BTRC: variants seen among roughly 807,000 people sequenced by gnomAD.
BTRC encodes the protein F-box/WD repeat-containing protein 1A.
BTRC carries 42 observed loss-of-function variants against 85.5 expected under a neutral mutation model. The ratio of observed to expected loss-of-function variants is 0.49; its 90% confidence interval spans 0.38 to 0.64. BTRC has a LOEUF of 0.64. BTRC is among the 30% of genes least tolerant of loss of function. BTRC has a pLI of 0.00. For missense variants in BTRC, 594 were observed against 743.5 expected (o/e 0.80, Z 2.34); for synonymous variants, 255 against 263.3 (o/e 0.97, Z 0.30).
chr10:101,497,595 A>G (rs1422695898), intron 4 of BTRC, among the ~76,000 whole-genome samples: 1 of 152,164 alleles, frequency 6.6e-6, no homozygotes, highest in Non-Finnish European at 1.5e-5. Flanking sequence ...AGTCCCAGCT[A>G]TTCAGGAGGC....
At chr10:101,449,350 C>T (rs745843267) in intron 2 of BTRC, among the ~76,000 whole-genome samples, 2 of 151,880 alleles carry the variant, frequency 1.3e-5, no homozygotes, top group African/African-American at 2.4e-5. Context: ...TTTTGTCATA[C>T]GTCCTAAGGG....
chr10:101,367,026 A>ATATT (rs1942472697), intron 1 of BTRC, among the ~76,000 whole-genome samples: 1 of 59,860 alleles, frequency 1.7e-5, no homozygotes, highest in Non-Finnish European at 3.6e-5. Flanking sequence ...ATTTATATTT[A>ATATT]TATATTTATA....
chr10:101,402,397 A>C (rs950071189), intron 1 of BTRC, among the ~76,000 whole-genome samples: 7 of 152,188 alleles, frequency 4.6e-5, no homozygotes, highest in Non-Finnish European at 1.0e-4. Flanking sequence ...CTAGTTTATC[A>C]GTGTTGTATT....
chr10:101,528,049 A>G (rs1025251344), intron 6 of BTRC, among the ~76,000 whole-genome samples: 4 of 152,142 alleles, frequency 2.6e-5, no homozygotes, highest in African/African-American at 4.8e-5. Context: ...AGAAAATTTT[A>G]GGGCAGCTGA....
intron 1 of BTRC, among the ~76,000 whole-genome samples, chr10:101,366,367 T>A (rs1942373625): frequency 6.6e-6 from 1 of 152,130 alleles, no homozygotes; most frequent in South Asian, 2.1e-4. Context: ...AAAACTTCTC[T>A]AGAGCTTCAC....
intron 4 of BTRC, among the ~76,000 whole-genome samples, chr10:101,519,644 A>G (rs1247094351): frequency 6.6e-6 from 1 of 152,218 alleles, no homozygotes; most frequent in East Asian, 1.9e-4. Flanking sequence ...AATGACAGCA[A>G]TACCTACATT....
intron 1 of BTRC, among the ~76,000 whole-genome samples, chr10:101,381,940 C>G (rs911226488): frequency 1.4e-5 from 2 of 141,006 alleles, no homozygotes; most frequent in African/African-American, 5.3e-5. Flanking sequence ...ATATCCAGAA[C>G]CCCTAGTTAT....
intron 4 of BTRC, among the ~76,000 whole-genome samples, chr10:101,508,157 T>G (rs1287235992): frequency 6.6e-6 from 1 of 152,236 alleles, no homozygotes; most frequent in African/African-American, 2.4e-5. Context: ...ATTTGATGAA[T>G]TTTATATATG....
chr10:101,546,495 A>G (rs1004815345), intron 13 of BTRC, among the ~76,000 whole-genome samples: 7 of 152,234 alleles, frequency 4.6e-5, no homozygotes, highest in South Asian at 2.1e-4. Context: ...AGTATTTTGA[A>G]GTAAATAAAA....
At chr10:101,452,766 T>G (rs1944982879) in intron 2 of BTRC, among the ~76,000 whole-genome samples, 1 of 152,200 alleles carries the variant, frequency 6.6e-6, no homozygotes, top group Non-Finnish European at 1.5e-5. Context: ...CTGTTGAGTT[T>G]AGCAGTATAG....
intron 1 of BTRC, among the ~76,000 whole-genome samples, chr10:101,361,307 C>T (rs1011786970): frequency 3.3e-5 from 5 of 151,918 alleles, no homozygotes; most frequent in South Asian, 2.1e-4. Context: ...GGGGTTTCAC[C>T]GTGTTAGCCA....
At chr10:101,496,008 A>T (rs1167353414) in intron 4 of BTRC, among the ~76,000 whole-genome samples, 2 of 148,816 alleles carry the variant, frequency 1.3e-5, no homozygotes, top group South Asian at 2.1e-4. Context: ...ATCATATAGT[A>T]TTTTTTTTTT....
At chr10:101,389,718 G>A (rs1445467838) in intron 1 of BTRC, among the ~76,000 whole-genome samples, 1 of 145,778 alleles carries the variant, frequency 6.9e-6, no homozygotes, top group Non-Finnish European at 1.5e-5. Flanking sequence ...TTGACCTCCT[G>A]GGCTCAAGTG....
At chr10:101,422,144 C>T (rs1036499473) in intron 1 of BTRC, among the ~76,000 whole-genome samples, 2 of 152,172 alleles carry the variant, frequency 1.3e-5, no homozygotes, top group Non-Finnish European at 2.9e-5. Flanking sequence ...TGTTTCCTGA[C>T]TTTTTAATGA....
At chr10:101,399,210 C>T (rs1943437046) in intron 1 of BTRC, among the ~76,000 whole-genome samples, 1 of 152,112 alleles carries the variant, frequency 6.6e-6, no homozygotes, top group African/African-American at 2.4e-5. Flanking sequence ...CCACCTCGGC[C>T]TCCCAAAGTG....
intron 1 of BTRC, among the ~76,000 whole-genome samples, chr10:101,360,235 A>G (rs951214073): frequency 2.0e-5 from 3 of 151,572 alleles, no homozygotes; most frequent in Non-Finnish European, 4.4e-5. Context: ...TTGTGTTTTT[A>G]GTAGAGACAG....
intron 1 of BTRC, among the ~76,000 whole-genome samples, chr10:101,361,730 A>G (rs1426421853): frequency 2.0e-5 from 3 of 152,232 alleles, no homozygotes; most frequent in Non-Finnish European, 2.9e-5. Context: ...AGATAGAGCT[A>G]TAAGACCAGC....
chr10:101,488,270 AAAT>A (rs1946041283), intron 4 of BTRC, among the ~76,000 whole-genome samples: 1 of 152,184 alleles, frequency 6.6e-6, no homozygotes, highest in Non-Finnish European at 1.5e-5. Flanking sequence ...TGTCATATTT[AAAT>A]TATATTCCTT....
intron 4 of BTRC, among the ~76,000 whole-genome samples, chr10:101,520,694 A>G (rs1376876222): frequency 6.6e-6 from 1 of 152,210 alleles, no homozygotes; most frequent in Non-Finnish European, 1.5e-5. Context: ...ACGGTGGCTC[A>G]TGCCTGTAAT....
Sources: allele counts gnomAD v4.1 joint callset (sites outside exome capture counted in the v4.1 genomes callset), GRCh38; gene constraint gnomAD v4.1.1; transcripts MANE v1.5; gene names NCBI Gene and HGNC (gene_info 2026-07-23, HGNC 2026-07-21).